Variants in CCDC73 observed in about 807,000 individuals in gnomAD.
CCDC73 encodes coiled-coil domain containing 73.
CCDC73 carries 95 observed loss-of-function variants against 116.5 expected under a neutral mutation model. The observed-to-expected ratio is 0.82, with a 90% CI of 0.69 to 0.97. CCDC73 has a LOEUF of 0.97. Ranked by LOEUF, CCDC73 falls within the 50% of genes least tolerant of loss-of-function variation. The pLI, the probability that CCDC73 is intolerant of heterozygous loss-of-function variation, is 0.00. For synonymous variants in CCDC73, 398 were observed against 401.3 expected (o/e 0.99, Z 0.10); for missense variants, 1,066 against 1,206.8 (o/e 0.88, Z 1.73).
the CCDC73 span, among the ~76,000 whole-genome samples, chr11:32,810,111 C>T: frequency 6.6e-6 from 1 of 152,070 alleles, no homozygotes; most frequent in Non-Finnish European, 1.5e-5. Context: ...AAATACAGTT[C>T]CAAGGCTTGG....
intron 2 of CCDC73, among the ~76,000 whole-genome samples, chr11:32,726,371 A>G (rs750445665): frequency 6.6e-6 from 1 of 152,202 alleles, no homozygotes; most frequent in Non-Finnish European, 1.5e-5. Context: ...GACAAACCAT[A>G]TGGAAATATT....
chr11:32,655,620 AT>A (rs1855864701), intron 9 of CCDC73, among the ~76,000 whole-genome samples: 1 of 152,214 alleles, frequency 6.6e-6, no homozygotes, highest in Non-Finnish European at 1.5e-5. Context: ...AGAGTAGAAT[AT>A]TGGTAGTTGT....
At chr11:32,819,490 T>C in the CCDC73 span, among the ~76,000 whole-genome samples, 1 of 149,876 alleles carries the variant, frequency 6.7e-6, no homozygotes, top group African/African-American at 2.5e-5. Context: ...TTAAATAGGG[T>C]CTCACTCTGT....
intron 2 of CCDC73, among the ~76,000 whole-genome samples, chr11:32,759,207 T>C (rs1850369086): frequency 6.6e-6 from 1 of 152,034 alleles, no homozygotes; most frequent in African/African-American, 2.4e-5. Context: ...TCGAGAATCT[T>C]CCAAGCTCCA....
At chr11:32,743,849 GCAAA>G in intron 2 of CCDC73, among the ~76,000 whole-genome samples, 2 of 152,278 alleles carry the variant, frequency 1.3e-5, no homozygotes, top group East Asian at 3.9e-4. Flanking sequence ...CATGTCATCT[GCAAA>G]CAGAGACAAT....
intron 7 of CCDC73, chr11:32,681,422 A>G (rs1039057189): frequency 6.6e-6 from 1 of 151,846 alleles, no homozygotes; most frequent in African/African-American, 2.4e-5. Flanking sequence ...AATGATCGTG[A>G]TTTTTTCAAA....
intron 12 of CCDC73, among the ~76,000 whole-genome samples, chr11:32,650,829 C>G (rs1855819635): frequency 1.3e-5 from 2 of 152,102 alleles, no homozygotes; most frequent in Admixed American, 1.3e-4. Context: ...TGGTTCCATT[C>G]AATGATAGAC....
upstream of CCDC73, chr11:32,794,779 A>G (rs1850708821): frequency 6.6e-6 from 1 of 152,262 alleles, no homozygotes; most frequent in Non-Finnish European, 1.5e-5. Context: ...AGCTTCGGAA[A>G]AGATACCTGG....
chr11:32,607,169 T>C (rs1320927829), intron 17 of CCDC73, among the ~76,000 whole-genome samples: 3 of 129,170 alleles, frequency 2.3e-5, no homozygotes, highest in Middle Eastern at 9.3e-3. Context: ...CTCGGCTCAC[T>C]GCAAGCTCCG....
At chr11:32,689,789 A>G (rs1856237267) in intron 6 of CCDC73, among the ~76,000 whole-genome samples, 1 of 152,082 alleles carries the variant, frequency 6.6e-6, no homozygotes, top group Non-Finnish European at 1.5e-5. Flanking sequence ...AGGTCAGGAG[A>G]TCGAGACCAT....
chr11:32,809,892 A>C, the CCDC73 span, among the ~76,000 whole-genome samples: 2 of 152,218 alleles, frequency 1.3e-5, no homozygotes, highest in Admixed American at 6.5e-5. Context: ...AAAAGCATGC[A>C]TCGTAGGTAC....
intron 1 of CCDC73, among the ~76,000 whole-genome samples, chr11:32,772,741 AT>A (rs537599862): frequency 7.9e-4 from 120 of 152,356 alleles, no homozygotes; most frequent in African/African-American, 2.7e-3. Context: ...TAGTTATTCT[AT>A]TATTTGAACT....
Position 32,614,682 on chromosome 11 carries a change from C to A in CCDC73, c.1636G>T (p.Glu546Ter). The part of the protein sequence containing the change: ...NHFVVLDTAI[E>*]TEKIHLERTR... Reference sequence around the variant, plus strand: ...CTTTCTAGATGTATTTTTTCTGTTTCTATTGCTGTATCTAACACTACAAAA... The same window carrying A: ...CTTTCTAGATGTATTTTTTCTGTTTATATTGCTGTATCTAACACTACAAAA... Residue 546 changes from glutamate to a stop codon, truncating the protein, a stop_gained, in exon 16 of 18, where the codon GAA (glutamate) becomes TAA (stop). Coordinates refer to ENST00000335185, the MANE Select transcript of CCDC73 (RefSeq NM_001008391.4). LOFTEE classifies it high-confidence loss of function. The A allele has an allele frequency of 6.2e-7, 1 of 1,612,898 alleles. No homozygotes were observed. The highest frequency in any genetic ancestry group is 8.5e-7 in the Non-Finnish European group (1 of 1,179,340).
At chr11:32,665,121 A>G (rs1433363646) in intron 9 of CCDC73, among the ~76,000 whole-genome samples, 15 of 152,200 alleles carry the variant, frequency 9.9e-5, no homozygotes, top group Admixed American at 2.6e-4. Flanking sequence ...GTGCTGAGAA[A>G]AATGTATATT....
chr11:32,686,310 T>C (rs1168643756), intron 6 of CCDC73, among the ~76,000 whole-genome samples: 2 of 150,700 alleles, frequency 1.3e-5, no homozygotes, highest in Non-Finnish European at 3.0e-5. Context: ...GGCAGGATTT[T>C]AGAAACTTAA....
intron 17 of CCDC73, 29 bp from the exon 18 acceptor site, chr11:32,603,049 G>A (rs769529601): frequency 1.3e-5 from 20 of 1,518,300 alleles, no homozygotes; most frequent in East Asian, 2.3e-5. Context: ...TTTTACCTTC[G>A]AAATTATTAT....
intron 14 of CCDC73, among the ~76,000 whole-genome samples, chr11:32,624,464 G>A (rs931025168): frequency 6.6e-6 from 1 of 152,174 alleles, no homozygotes; most frequent in African/African-American, 2.4e-5. Context: ...TTTGTACAAG[G>A]ATGCCCAATA....
chr11:32,618,997 C>T (rs1855498864), intron 14 of CCDC73, among the ~76,000 whole-genome samples: 1 of 152,112 alleles, frequency 6.6e-6, no homozygotes, highest in African/African-American at 2.4e-5. Flanking sequence ...GGTGTCTGTT[C>T]ATGTCTTTTG....
At chr11:32,756,892 G>T (rs904499398) in intron 2 of CCDC73, among the ~76,000 whole-genome samples, 2 of 151,986 alleles carry the variant, frequency 1.3e-5, no homozygotes, top group Non-Finnish European at 2.9e-5. Context: ...ATTTGGGAGG[G>T]CATGAGACAA....
Sources: allele counts gnomAD v4.1 joint callset (sites outside exome capture counted in the v4.1 genomes callset), GRCh38; gene constraint gnomAD v4.1.1; transcripts MANE v1.5; gene names NCBI Gene and HGNC (gene_info 2026-07-23, HGNC 2026-07-21).